RIMS2: variants seen among roughly 807,000 people sequenced by gnomAD.
The protein encoded by RIMS2 is regulating synaptic membrane exocytosis protein 2.
In RIMS2, 59 loss-of-function variants were observed where a neutral mutation model predicts 174.4. The ratio of observed to expected loss-of-function variants is 0.34; its 90% CI spans 0.27 to 0.42. The LOEUF (loss-of-function observed/expected upper bound fraction) is 0.42. Ranked by LOEUF, RIMS2 falls within the 10% of genes least tolerant of loss-of-function variation. The pLI, the probability that RIMS2 is intolerant of heterozygous loss-of-function variation, is 1.00. For missense variants in RIMS2, 1,620 were observed against 1,666.3 expected, an observed-to-expected ratio of 0.97 and a Z score of 0.48; for synonymous variants, 606 against 572.5, an observed-to-expected ratio of 1.06 and a Z score of -0.84.
intron 3 of RIMS2, among the ~76,000 whole-genome samples, chr8:103,832,751 T>C (rs1345445542): frequency 2.0e-5 from 3 of 152,332 alleles, no homozygotes; most frequent in Non-Finnish European, 2.9e-5. Context: ...TTAATTTATC[T>C]ATTTGCTTAT....
chr8:103,683,562 TC>T (rs1288852854), intron 1 of RIMS2, among the ~76,000 whole-genome samples: 1 of 152,194 alleles, frequency 6.6e-6, no homozygotes, highest in African/African-American at 2.4e-5. Flanking sequence ...TGTCCAGTAC[TC>T]CAATGCCTCC....
intron 3 of RIMS2, among the ~76,000 whole-genome samples, chr8:103,773,841 A>G (rs952107379): frequency 6.6e-6 from 1 of 152,150 alleles, no homozygotes; most frequent in African/African-American, 2.4e-5. Context: ...AATTCAGAGG[A>G]ATTTGACCGC....
intron 1 of RIMS2, among the ~76,000 whole-genome samples, chr8:103,667,627 G>T (rs1409422290): frequency 6.6e-6 from 1 of 152,196 alleles, no homozygotes; most frequent in Non-Finnish European, 1.5e-5. Flanking sequence ...ACAAATAAAA[G>T]TATACTTCAT....
intron 19 of RIMS2, among the ~76,000 whole-genome samples, chr8:104,050,476 A>AACTAAACCAGAAG (rs1367778715): frequency 1.3e-5 from 2 of 152,158 alleles, no homozygotes; most frequent in African/African-American, 4.8e-5. Context: ...GTGATGTTTG[A>AACTAAACCAGAAG]ACTAAACCAG....
intron 17 of RIMS2, among the ~76,000 whole-genome samples, chr8:104,000,324 A>T (rs1386706072): frequency 6.6e-6 from 1 of 151,624 alleles, no homozygotes; most frequent in African/African-American, 2.4e-5. Context: ...TGCCTAGCTT[A>T]TTTCGTTTAA....
chr8:104,160,413 T>G (rs1421798660), intron 19 of RIMS2, among the ~76,000 whole-genome samples: 1 of 152,230 alleles, frequency 6.6e-6, no homozygotes, highest in Non-Finnish European at 1.5e-5. Flanking sequence ...GGTATTAAAC[T>G]GATATATTGA....
chr8:104,190,340 G>T (rs1290330762), intron 19 of RIMS2, among the ~76,000 whole-genome samples: 1 of 151,478 alleles, frequency 6.6e-6, no homozygotes, highest in Non-Finnish European at 1.5e-5. Context: ...AAAAGATAAG[G>T]ATCCTTACTC....
chr8:103,998,139 T>C (rs1188210766), intron 17 of RIMS2: 3 of 1,389,516 alleles, frequency 2.2e-6, no homozygotes, highest in Non-Finnish European at 3.0e-6. Flanking sequence ...TTTTTTCACT[T>C]CTTTCTTGAG....
chr8:104,035,479 A>G (rs559473631), intron 19 of RIMS2, among the ~76,000 whole-genome samples: 1 of 151,146 alleles, frequency 6.6e-6, no homozygotes, highest in South Asian at 2.1e-4. Context: ...TGTGTTCTTT[A>G]TGGAATATAT....
At chr8:103,547,736 C>A (rs189967585) in intron 1 of RIMS2, among the ~76,000 whole-genome samples, 58 of 151,752 alleles carry the variant, frequency 3.8e-4, no homozygotes, top group African/African-American at 1.4e-3. Flanking sequence ...TTTTTTGGAA[C>A]AATAAATAAG....
intron 14 of RIMS2, among the ~76,000 whole-genome samples, chr8:103,944,936 A>C (rs2083376612): frequency 6.6e-6 from 1 of 152,132 alleles, no homozygotes; most frequent in Admixed American, 6.5e-5. Flanking sequence ...TTGGCTAATT[A>C]GGCTAATAGG....
At chr8:104,036,827 A>C (rs1180690131) in intron 19 of RIMS2, among the ~76,000 whole-genome samples, 3 of 152,128 alleles carry the variant, frequency 2.0e-5, no homozygotes, top group Non-Finnish European at 4.4e-5. Context: ...CAGTGAGCCA[A>C]GATCGTGCCA....
intron 2 of RIMS2, among the ~76,000 whole-genome samples, chr8:103,760,538 C>T (rs1253658347): frequency 6.6e-6 from 1 of 152,222 alleles, no homozygotes; most frequent in African/African-American, 2.4e-5. Context: ...CCCTTGAATT[C>T]TGCCTTTTTA....
At chr8:103,761,314 A>G (rs972245320) in intron 2 of RIMS2, among the ~76,000 whole-genome samples, 5 of 152,270 alleles carry the variant, frequency 3.3e-5, no homozygotes, top group Admixed American at 6.5e-5. Context: ...TTGAATAAGC[A>G]TGTACTTTAA....
intron 3 of RIMS2, among the ~76,000 whole-genome samples, chr8:103,767,892 A>G (rs2098195795): frequency 6.6e-6 from 1 of 152,232 alleles, no homozygotes; most frequent in East Asian, 1.9e-4. Context: ...TATCCTATAT[A>G]GAGGACAAGG....
intron 3 of RIMS2, among the ~76,000 whole-genome samples, chr8:103,802,540 G>A (rs140475889): frequency 3.9e-4 from 59 of 152,292 alleles, no homozygotes; most frequent in African/African-American, 1.3e-3. Context: ...GCCATACTAA[G>A]GTGAGGCAAG....
chr8:104,207,080 T>A (rs2137395050), intron 19 of RIMS2, among the ~76,000 whole-genome samples: 1 of 152,246 alleles, frequency 6.6e-6, no homozygotes, highest in South Asian at 2.1e-4. Flanking sequence ...GAGACTAGGA[T>A]TAAAAAAAAA....
intron 19 of RIMS2, among the ~76,000 whole-genome samples, chr8:104,057,798 T>C (rs1341284521): frequency 6.9e-6 from 1 of 144,848 alleles, no homozygotes; most frequent in Non-Finnish European, 1.5e-5. Context: ...AATTCCCACC[T>C]ATGAGTGAGA....
chr8:103,660,588 TAAAAAC>T (rs71575980), intron 1 of RIMS2, among the ~76,000 whole-genome samples: 26,723 of 151,548 alleles, frequency 0.18, 2,519 homozygotes, highest in African/African-American at 0.24. Context: ...GCTTCGTGGA[TAAAAAC>T]AAAAACAAAA....
Sources: gnomAD v4.1 joint callset for allele counts (sites outside exome capture counted in the v4.1 genomes callset) on GRCh38, gnomAD v4.1.1 for gene constraint, MANE v1.5 for transcripts, NCBI Gene and HGNC (gene_info 2026-07-23, HGNC 2026-07-21) for gene names.